Variants in FGFR1OP2 observed in about 807,000 individuals in gnomAD.
FGFR1OP2 encodes FGFR1 oncogene partner 2, also known as fibroblast growth factor receptor 1 oncogene partner 2.
Under a neutral mutation model 35.2 loss-of-function variants are expected in FGFR1OP2, and 17 were observed. That is an observed-to-expected ratio of 0.48 (90% CI 0.33 to 0.73). The LOEUF (loss-of-function observed/expected upper bound fraction) is 0.73. Among genes scored for constraint, FGFR1OP2 ranks in the 30% least tolerant of loss-of-function variants. The probability of loss-of-function intolerance (pLI) is 0.02; values close to 1 mark genes in which losing one functional copy is unlikely to be tolerated. For missense variants in FGFR1OP2, 251 were observed against 307.3 expected (o/e 0.82, Z 1.37); for synonymous variants, 105 against 104.6 (o/e 1.00, Z -0.03).
rs558728037 is a variant in FGFR1OP2, at chr12:26,956,053, G to A, written c.136-490G>A. On this transcript the variant is annotated intron_variant, in intron 2 of 6. Transcript: ENST00000229395. ...TTTAAAAAAAAGCTCATCAGCTATC[G>A]TTAGCATTAGTGTATTTTATGTGCA... Among the ~76,000 whole-genome samples the A allele has an allele frequency of 5.3e-5, 8 of 151,756 alleles. No individual in the cohort carries two copies. In the South Asian group the frequency reaches 6.2e-4, roughly 12 times the overall value.
At chr12:26,950,213 G>GTTTTTTGTTTTT (rs1938899551) in intron 1 of FGFR1OP2, among the ~76,000 whole-genome samples, 1 of 50,934 alleles carries the variant, frequency 2.0e-5, no homozygotes, top group African/African-American at 8.1e-5. Context: ...TGTATTCGTT[G>GTTTTTTGTTTTT]TTTTTTTTTT....
chr12:26,952,499 A>G (rs1266694316), intron 1 of FGFR1OP2, among the ~76,000 whole-genome samples: 2 of 152,170 alleles, frequency 1.3e-5, no homozygotes, highest in Admixed American at 6.5e-5. Flanking sequence ...CAGAAGTTAT[A>G]TTAATTTCCA....
At position 26,964,585 on chromosome 12, in the gene FGFR1OP2, T is replaced by C; in HGVS notation, c.625-11T>C. On this transcript the variant is annotated splice_polypyrimidine_tract_variant and intron_variant, in intron 6 of 6. Coordinates refer to ENST00000229395, the MANE Select transcript of FGFR1OP2 (RefSeq NM_015633.3). ...ATAGTGACTGCATCTTTGTTTTTGC[T>C]TGCCTTTTAGCAAGAAAACAAAGGC... is the stretch of plus-strand genomic sequence containing the variant. 6.2e-7 allele frequency: 1 copy of C among 1,608,418 alleles called. No individual in the cohort carries two copies. Among genetic ancestry groups the C allele is most frequent in the Non-Finnish European group, 8.5e-7 (1 of 1,175,910 alleles).
At chr12:26,940,397 C>T (rs994150560) in intron 1 of FGFR1OP2, among the ~76,000 whole-genome samples, 2 of 152,194 alleles carry the variant, frequency 1.3e-5, no homozygotes, top group African/African-American at 4.8e-5. Flanking sequence ...ATTCATTCCA[C>T]TATTTTCAAG....
At chr12:26,939,636 GGTGACATTGATACCGCTGTGCTCCCAA>G (rs1938685056) in intron 1 of FGFR1OP2, among the ~76,000 whole-genome samples, 1 of 152,104 alleles carries the variant, frequency 6.6e-6, no homozygotes. Context: ...GACTCCCCCA[GGTGACATTGATACCGCTGTGCTCCCAA>G]CGCATTTGAA....
intron 2 of FGFR1OP2, among the ~76,000 whole-genome samples, chr12:26,955,090 A>C (rs1938998142): frequency 6.6e-6 from 1 of 152,164 alleles, no homozygotes; most frequent in Non-Finnish European, 1.5e-5. Flanking sequence ...CCCTAAACAG[A>C]TTTACCTGCA....
chr12:26,947,012 C>T (rs1475743810), intron 1 of FGFR1OP2, among the ~76,000 whole-genome samples: 1 of 152,156 alleles, frequency 6.6e-6, no homozygotes, highest in East Asian at 1.9e-4. Flanking sequence ...GCATCATTCC[C>T]CCCTACTTTT....
intron 1 of FGFR1OP2, among the ~76,000 whole-genome samples, chr12:26,938,925 G>A (rs1287828029): frequency 6.6e-6 from 1 of 152,108 alleles, no homozygotes; most frequent in East Asian, 1.9e-4. Flanking sequence ...ATGCGGTGCG[G>A]AAAGTTCAAT....
chr12:26,946,933 C>A (rs1938834373), intron 1 of FGFR1OP2, among the ~76,000 whole-genome samples: 3 of 151,938 alleles, frequency 2.0e-5, no homozygotes, highest in African/African-American at 7.3e-5. Context: ...GATACATTGT[C>A]TTTGTGACTG....
intron 1 of FGFR1OP2, among the ~76,000 whole-genome samples, chr12:26,953,074 AAC>A (rs543019872): frequency 6.6e-6 from 1 of 151,996 alleles, no homozygotes; most frequent in Non-Finnish European, 1.5e-5. Flanking sequence ...CATCCTGGCT[AAC>A]ACAGTGAAAC....
chr12:26,951,353 C>T (rs1040670289), intron 1 of FGFR1OP2, among the ~76,000 whole-genome samples: 3 of 151,570 alleles, frequency 2.0e-5, no homozygotes, highest in Non-Finnish European at 4.4e-5. Context: ...ATTGAGACAG[C>T]CTGTTGCCCA....
chr12:26,963,048 A>G (rs1939125663), intron 5 of FGFR1OP2: 1 of 216,812 alleles, frequency 4.6e-6, no homozygotes, highest in African/African-American at 2.3e-5. Flanking sequence ...TAAGTGCAAA[A>G]AAAAAGAAAA....
chr12:26,951,953 A>T (rs957068074), intron 1 of FGFR1OP2, among the ~76,000 whole-genome samples: 1 of 152,166 alleles, frequency 6.6e-6, no homozygotes, highest in Non-Finnish European at 1.5e-5. Flanking sequence ...TTTTCTCTCA[A>T]ATCTTTTACA....
chr12:26,950,135 CA>C (rs1938895863), intron 1 of FGFR1OP2, among the ~76,000 whole-genome samples: 1 of 146,356 alleles, frequency 6.8e-6, no homozygotes, highest in Non-Finnish European at 1.5e-5. Context: ...ATGGTATCTA[CA>C]ATATTGTTTC....
chr12:26,939,231 G>A (rs1426696741), intron 1 of FGFR1OP2, among the ~76,000 whole-genome samples: 1 of 151,772 alleles, frequency 6.6e-6, no homozygotes, highest in African/African-American at 2.4e-5. Context: ...ACACTGCACT[G>A]TATTATTTTT....
chr12:26,945,473 T>C (rs1296775549), intron 1 of FGFR1OP2, among the ~76,000 whole-genome samples: 1 of 152,260 alleles, frequency 6.6e-6, no homozygotes, highest in East Asian at 1.9e-4. Context: ...ACTTATTATA[T>C]AGAAGTACAT....
At chr12:26,950,213 GTTT>G (rs1174799685) in intron 1 of FGFR1OP2, among the ~76,000 whole-genome samples, 39 of 50,938 alleles carry the variant, frequency 7.7e-4, no homozygotes, top group African/African-American at 2.5e-3. Context: ...TGTATTCGTT[GTTT>G]TTTTTTTTTT....
chr12:26,962,549 T>C (rs1565852233), intron 5 of FGFR1OP2: 1 of 152,312 alleles, frequency 6.6e-6, no homozygotes, highest in East Asian at 1.9e-4. Flanking sequence ...TAAACCTTTT[T>C]TGTCTGTCTC....
intron 1 of FGFR1OP2, among the ~76,000 whole-genome samples, chr12:26,950,213 GTTTTTTTTTTTTTTTT>G (rs1174799685): frequency 3.7e-4 from 19 of 50,944 alleles, no homozygotes; most frequent in Admixed American, 2.3e-3. Context: ...TGTATTCGTT[GTTTTTTTTTTTTTTTT>G]TTTTTTTTTT....
Sources: gnomAD v4.1 joint callset for allele counts (sites outside exome capture counted in the v4.1 genomes callset) on GRCh38, gnomAD v4.1.1 for gene constraint, MANE v1.5 for transcripts, NCBI Gene and HGNC (gene_info 2026-07-23, HGNC 2026-07-21) for gene names.